Variants in RANBP2 observed in about 807,000 individuals in gnomAD.
The protein encoded by RANBP2 is RAN binding protein 2, also known as E3 SUMO-protein ligase RanBP2.
A neutral mutation model predicts 303.6 loss-of-function variants in RANBP2; 57 were observed. That is an observed-to-expected ratio of 0.19 (90% CI 0.15 to 0.23). The LOEUF is 0.23. Among genes scored for constraint, RANBP2 ranks in the 10% least tolerant of loss-of-function variants. The pLI, the probability that RANBP2 is intolerant of heterozygous loss-of-function variation, is 1.00. For missense variants in RANBP2, 3,138 were observed against 3,780.8 expected (o/e 0.83, Z 4.46); for synonymous variants, 1,167 against 1,301.5 (o/e 0.90, Z 2.23).
At chr2:109,551,152 CTG>C in the RANBP2 span, among the ~76,000 whole-genome samples, 1 of 152,194 alleles carries the variant, frequency 6.6e-6, no homozygotes, top group Non-Finnish European at 1.5e-5. Flanking sequence ...ATCATTTGTT[CTG>C]TGCATCTCCC....
chr2:109,750,698 T>TATAATA, the RANBP2 span, among the ~76,000 whole-genome samples: 4,893 of 100,250 alleles, frequency 0.049, 735 homozygotes, highest in South Asian at 0.098. Context: ...GAATCACTAC[T>TATAATA]ATAATAATAA....
At chr2:109,150,477 T>A in the RANBP2 span, among the ~76,000 whole-genome samples, 1 of 152,218 alleles carries the variant, frequency 6.6e-6, no homozygotes, top group Non-Finnish European at 1.5e-5. Flanking sequence ...AAAATAGTTT[T>A]TTTACAAAAA....
At chr2:109,451,687 A>C in the RANBP2 span, among the ~76,000 whole-genome samples, 6 of 152,272 alleles carry the variant, frequency 3.9e-5, no homozygotes, top group African/African-American at 1.4e-4. Context: ...GCCCTCTAAC[A>C]GTTGTGCTAT....
chr2:109,190,004 G>A, the RANBP2 span, among the ~76,000 whole-genome samples: 1 of 152,188 alleles, frequency 6.6e-6, no homozygotes, highest in Non-Finnish European at 1.5e-5. Context: ...GGTTTATCAT[G>A]GAAGAAGTCT....
chr2:108,782,970 T>C, intron 28 of RANBP2, 108 bp downstream of exon 28: 1 of 1,026,730 alleles, frequency 9.7e-7, no homozygotes. Context: ...TTGTTAAAGA[T>C]TTCTTTAGGT....
the RANBP2 span, among the ~76,000 whole-genome samples, chr2:109,765,673 A>G: frequency 2.0e-5 from 3 of 150,494 alleles, no homozygotes; most frequent in Non-Finnish European, 4.4e-5. Flanking sequence ...GTGAATAGAA[A>G]CATGGAGGGA....
chr2:109,584,011 T>C, the RANBP2 span, among the ~76,000 whole-genome samples: 517 of 152,186 alleles, frequency 3.4e-3, 3 homozygotes, highest in South Asian at 0.05. Flanking sequence ...AGATACCCGG[T>C]AAAGGCTGAA....
chr2:109,413,730 A>G, the RANBP2 span, among the ~76,000 whole-genome samples: 1 of 152,216 alleles, frequency 6.6e-6, no homozygotes, highest in Non-Finnish European at 1.5e-5. Flanking sequence ...CATGAGGGCC[A>G]TGCCTTGTAG....
the RANBP2 span, among the ~76,000 whole-genome samples, chr2:109,550,497 A>G: frequency 6.6e-6 from 1 of 151,806 alleles, no homozygotes; most frequent in Admixed American, 6.6e-5. Context: ...TATTTTTAGT[A>G]GAGATGGGGT....
the RANBP2 span, among the ~76,000 whole-genome samples, chr2:108,810,712 G>T: frequency 6.6e-6 from 1 of 152,232 alleles, no homozygotes; most frequent in African/African-American, 2.4e-5. Flanking sequence ...CAGTTTTTTG[G>T]GATAGTTTGA....
the RANBP2 span, among the ~76,000 whole-genome samples, chr2:109,085,920 T>C: frequency 1.8e-4 from 27 of 152,298 alleles, 1 homozygote; most frequent in African/African-American, 6.0e-4. Flanking sequence ...AAACCATTTT[T>C]AAGTGCACAG....
the RANBP2 span, among the ~76,000 whole-genome samples, chr2:109,126,843 C>A: frequency 6.6e-6 from 1 of 152,208 alleles, no homozygotes; most frequent in Admixed American, 6.5e-5. Context: ...AGCACCAGGG[C>A]ATGTCGTCAC....
Position 108,765,877 on chromosome 2 carries a change from A to T in RANBP2, c.5338A>T (p.Ile1780Phe). The T allele has an allele frequency of 2.5e-6, 4 of 1,614,198 alleles. No individual in the cohort carries two copies. The highest frequency in any genetic ancestry group is 3.4e-6 in the Non-Finnish European group (4 of 1,179,996). Residue 1780 changes from isoleucine (I) to phenylalanine (F), a missense_variant, in exon 20 of 29, where the codon ATC becomes TTC. Coordinates refer to ENST00000283195, the MANE Select transcript of RANBP2 (RefSeq NM_006267.5). ...APKSGFEGMF[I>F]RKGQWDCSVC... is the part of the protein sequence containing the mutation. ...AAAGAGTGGATTTGAAGGAATGTTC[A>T]TCAGGAAAGGACAGTGGGATTGTAG...
At chr2:109,716,959 G>T in the RANBP2 span, among the ~76,000 whole-genome samples, 2 of 152,202 alleles carry the variant, frequency 1.3e-5, no homozygotes, top group East Asian at 1.9e-4. Flanking sequence ...GCAACTTCTC[G>T]CAGGACTCAG....
chr2:109,402,148 T>C, the RANBP2 span, among the ~76,000 whole-genome samples: 10 of 152,254 alleles, frequency 6.6e-5, no homozygotes, highest in African/African-American at 2.4e-4. Flanking sequence ...GGTCTGGATG[T>C]GCCCAGAGAC....
At chr2:109,242,569 C>T in the RANBP2 span, among the ~76,000 whole-genome samples, 37 of 152,338 alleles carry the variant, frequency 2.4e-4, no homozygotes, top group African/African-American at 8.4e-4. Context: ...CACTGACCAC[C>T]GTGCCCCAGG....
At chr2:109,485,199 G>A in the RANBP2 span, among the ~76,000 whole-genome samples, 1 of 152,028 alleles carries the variant, frequency 6.6e-6, no homozygotes, top group Non-Finnish European at 1.5e-5. Flanking sequence ...TATTGCCTGA[G>A]GCAAAGAGAA....
At chr2:109,248,922 G>A in the RANBP2 span, among the ~76,000 whole-genome samples, 2 of 148,538 alleles carry the variant, frequency 1.3e-5, no homozygotes, top group African/African-American at 2.5e-5. Flanking sequence ...GTCCTGTCCT[G>A]TCCTGTCCTG....
chr2:108,856,993 T>C, the RANBP2 span: 1 of 1,396,948 alleles, frequency 7.2e-7, no homozygotes, highest in African/African-American at 1.5e-5. Context: ...GTTCTATATG[T>C]GTAAAGAAAG....
Sources: allele counts gnomAD v4.1 joint callset (sites outside exome capture counted in the v4.1 genomes callset), GRCh38; gene constraint gnomAD v4.1.1; transcripts MANE v1.5; gene names NCBI Gene and HGNC (gene_info 2026-07-23, HGNC 2026-07-21).